The following MYO3A variants were observed in gnomAD, a reference collection of about 807,000 sequenced individuals.
The protein encoded by MYO3A is myosin IIIA, also known as myosin-IIIa.
In MYO3A, 180 loss-of-function variants were observed where a neutral mutation model predicts 192.7. That is an observed-to-expected ratio of 0.93 (90% CI 0.83 to 1.06). The LOEUF (loss-of-function observed/expected upper bound fraction) is 1.06. MYO3A is among the 50% of genes least tolerant of loss of function. MYO3A has a pLI of 0.00. For synonymous variants in MYO3A, 628 were observed against 645.3 expected, an observed-to-expected ratio of 0.97 and a Z score of 0.41; for missense variants, 1,896 against 1,905.0, an observed-to-expected ratio of 1.00 and a Z score of 0.09.
intron 4 of MYO3A, among the ~76,000 whole-genome samples, chr10:25,971,031 T>C (rs1270481890): frequency 6.6e-6 from 1 of 152,170 alleles, no homozygotes; most frequent in Non-Finnish European, 1.5e-5. Flanking sequence ...ATTATTGCTC[T>C]AGCTCTATTC....
rs1353839001 is a variant in MYO3A at position 25,959,551 on chromosome 10, C to CT, written c.303+4545dup. ...TATTGTTCATTACACTTTTGGAGCG[C>CT]TTCATCTGCCCAGTCTTGTTTGGAG... On this transcript the variant is annotated intron_variant, in intron 4 of 34. Transcript: ENST00000642920. Among the ~76,000 whole-genome samples, 4 of 152,162 alleles carry CT rather than the reference C, an allele frequency of 2.6e-5. No homozygotes were observed. The East Asian group carries it at 7.8e-4, about 30-fold the overall frequency.
At chr10:26,164,898 G>A (rs553920190) in intron 26 of MYO3A, among the ~76,000 whole-genome samples, 227 of 152,264 alleles carry the variant, frequency 1.5e-3, no homozygotes, top group African/African-American at 5.1e-3. Context: ...CAGAGTCGCC[G>A]CTACTGGGTC....
chr10:25,981,218 C>T (rs1359514231), intron 4 of MYO3A, among the ~76,000 whole-genome samples: 2 of 152,138 alleles, frequency 1.3e-5, no homozygotes, highest in Non-Finnish European at 1.5e-5. Context: ...TTCTTGGACA[C>T]TTACCACTAG....
chr10:26,000,158 T>A (rs1840700954), intron 6 of MYO3A, among the ~76,000 whole-genome samples: 1 of 152,166 alleles, frequency 6.6e-6, no homozygotes, highest in South Asian at 2.1e-4. Context: ...TGGAACAGAG[T>A]AAGCAACTAA....
intron 4 of MYO3A, among the ~76,000 whole-genome samples, chr10:25,968,015 A>G (rs898517500): frequency 2.6e-5 from 4 of 152,066 alleles, no homozygotes; most frequent in Non-Finnish European, 5.9e-5. Flanking sequence ...GGGGTGGAGG[A>G]TATCATTTAA....
intron 10 of MYO3A, among the ~76,000 whole-genome samples, chr10:26,048,342 A>G (rs1036080152): frequency 1.3e-5 from 2 of 151,096 alleles, no homozygotes; most frequent in Admixed American, 1.3e-4. Context: ...ATACATTTAT[A>G]TAAATACAGC....
chr10:26,169,957 G>A (rs61322866), intron 28 of MYO3A, among the ~76,000 whole-genome samples: 3,708 of 152,178 alleles, frequency 0.024, 164 homozygotes, highest in African/African-American at 0.081. Flanking sequence ...ATTATTGGGC[G>A]CTGCCCTGAC....
intron 18 of MYO3A, among the ~76,000 whole-genome samples, chr10:26,123,460 C>G (rs2131719434): frequency 6.6e-6 from 1 of 152,236 alleles, no homozygotes; most frequent in South Asian, 2.1e-4. Context: ...TTCAGCTTCA[C>G]TAGGAATCAA....
At chr10:26,191,464 T>G (rs1281816807) in intron 31 of MYO3A, among the ~76,000 whole-genome samples, 3 of 152,240 alleles carry the variant, frequency 2.0e-5, no homozygotes, top group African/African-American at 4.8e-5. Context: ...CTTTCACTTT[T>G]GTTTATTACT....
intron 10 of MYO3A, among the ~76,000 whole-genome samples, chr10:26,038,297 G>A (rs1325523350): frequency 6.6e-6 from 1 of 152,152 alleles, no homozygotes; most frequent in East Asian, 1.9e-4. Flanking sequence ...TTTGGGTAGT[G>A]TGGGTATTTT....
At chr10:26,209,708 C>T (rs1844134534) in intron 34 of MYO3A, among the ~76,000 whole-genome samples, 1 of 152,210 alleles carries the variant, frequency 6.6e-6, no homozygotes. Flanking sequence ...TCCCTGCTGA[C>T]TTTTCTCATT....
At chr10:26,085,353 A>G (rs139592002) in intron 14 of MYO3A, among the ~76,000 whole-genome samples, 1 of 150,632 alleles carries the variant, frequency 6.6e-6, no homozygotes, top group East Asian at 2.0e-4. Context: ...TAGACTATTT[A>G]TTTTGGAGCT....
intron 22 of MYO3A, among the ~76,000 whole-genome samples, chr10:26,146,151 C>T (rs1840454401): frequency 2.0e-5 from 3 of 152,192 alleles, no homozygotes; most frequent in Admixed American, 2.0e-4. Context: ...CACATTCCCA[C>T]AGCAGAGAAA....
At chr10:26,140,004 T>G (rs1840059943) in intron 20 of MYO3A, among the ~76,000 whole-genome samples, 1 of 152,156 alleles carries the variant, frequency 6.6e-6, no homozygotes, top group African/African-American at 2.4e-5. Flanking sequence ...CACAAAGCAG[T>G]ACCCCAGAGC....
chr10:26,110,566 A>G (rs1466253850), intron 17 of MYO3A, among the ~76,000 whole-genome samples: 2 of 152,224 alleles, frequency 1.3e-5, no homozygotes, highest in African/African-American at 4.8e-5. Context: ...GGACAGGAAC[A>G]TTGGCTTCAC....
intron 19 of MYO3A, among the ~76,000 whole-genome samples, chr10:26,126,591 G>A (rs536853615): frequency 9.9e-5 from 15 of 151,988 alleles, no homozygotes; most frequent in African/African-American, 2.9e-4. Context: ...GTATGTTCTG[G>A]TACGGTCATC....
chr10:25,942,006 CT>C (rs151243879), intron 2 of MYO3A, among the ~76,000 whole-genome samples: 13,102 of 138,938 alleles, frequency 0.094, 725 homozygotes, highest in African/African-American at 0.17. Context: ...TTTCTTTTTT[CT>C]TTTTTTTTTT....
At chr10:26,128,847 CA>C (rs1297816769) in intron 20 of MYO3A, among the ~76,000 whole-genome samples, 1 of 152,036 alleles carries the variant, frequency 6.6e-6, no homozygotes, top group African/African-American at 2.4e-5. Flanking sequence ...CAGATGCGTC[CA>C]ACAGTTTTTC....
At chr10:26,155,000 A>G (rs1841028971) in intron 25 of MYO3A, among the ~76,000 whole-genome samples, 177 bp downstream of exon 25, 1 of 152,220 alleles carries the variant, frequency 6.6e-6, no homozygotes, top group Non-Finnish European at 1.5e-5. Context: ...TTATTTTTAC[A>G]TTCTACCTGT....
Sources: gnomAD v4.1 joint callset for allele counts (sites outside exome capture counted in the v4.1 genomes callset) on GRCh38, gnomAD v4.1.1 for gene constraint, MANE v1.5 for transcripts, NCBI Gene and HGNC (gene_info 2026-07-23, HGNC 2026-07-21) for gene names.